The following KIAA1217 variants were observed in gnomAD, a reference collection of about 807,000 sequenced individuals.
KIAA1217 encodes KIAA1217, also known as sickle tail protein homolog.
KIAA1217 carries 88 observed loss-of-function variants against 163.9 expected under a neutral mutation model. That is an observed-to-expected ratio of 0.54 (90% confidence interval 0.45 to 0.64). The LOEUF (loss-of-function observed/expected upper bound fraction) is 0.64, where lower values mean the gene tolerates loss of function less well. KIAA1217 is among the 30% of genes least tolerant of loss of function. The pLI is 0.00. For synonymous variants in KIAA1217, 903 were observed against 923.1 expected (o/e 0.98, Z 0.39); for missense variants, 2,372 against 2,475.0 (o/e 0.96, Z 0.88).
At chr10:23,807,625 A>G (rs1836804310) in intron 1 of KIAA1217, among the ~76,000 whole-genome samples, 1 of 152,244 alleles carries the variant, frequency 6.6e-6, no homozygotes, top group Non-Finnish European at 1.5e-5. Flanking sequence ...GTTTAGAAGG[A>G]TAGGATGAAT....
intron 2 of KIAA1217, among the ~76,000 whole-genome samples, chr10:24,329,167 T>C (rs1190299969): frequency 1.4e-5 from 2 of 147,964 alleles, no homozygotes; most frequent in Middle Eastern, 3.6e-3. Flanking sequence ...TATTTATACA[T>C]AGTACATAAA....
chr10:24,078,749 T>C (rs2061446380), intron 2 of KIAA1217, among the ~76,000 whole-genome samples: 1 of 152,018 alleles, frequency 6.6e-6, no homozygotes, highest in African/African-American at 2.4e-5. Context: ...AATAATAAAA[T>C]AGAGACACAC....
At chr10:24,034,063 T>A (rs1276566890) in intron 2 of KIAA1217, among the ~76,000 whole-genome samples, 1 of 152,264 alleles carries the variant, frequency 6.6e-6, no homozygotes, top group Non-Finnish European at 1.5e-5. Context: ...ATTAAAATTA[T>A]TACCTTTAAT....
chr10:24,082,719 T>C (rs2061578370), intron 2 of KIAA1217, among the ~76,000 whole-genome samples: 1 of 152,252 alleles, frequency 6.6e-6, no homozygotes, highest in African/African-American at 2.4e-5. Context: ...TGTGCATGTA[T>C]CTTTATAATA....
At chr10:24,309,399 A>G (rs1233096572) in intron 2 of KIAA1217, among the ~76,000 whole-genome samples, 6 of 151,864 alleles carry the variant, frequency 4.0e-5, no homozygotes, top group Admixed American at 1.3e-4. Context: ...TGTTCTTACA[A>G]ATGTTGCACA....
intron 2 of KIAA1217, among the ~76,000 whole-genome samples, chr10:24,131,895 C>T (rs1165339177): frequency 1.3e-5 from 2 of 152,072 alleles, no homozygotes; most frequent in African/African-American, 2.4e-5. Flanking sequence ...AGAGTCTAGC[C>T]CTCTGTGTTA....
intron 2 of KIAA1217, among the ~76,000 whole-genome samples, chr10:24,276,797 A>G (rs2077346346): frequency 6.6e-6 from 1 of 151,972 alleles, no homozygotes; most frequent in Non-Finnish European, 1.5e-5. Flanking sequence ...TTTAGTAGAG[A>G]CAGGGTTTCA....
chr10:24,212,773 A>G (rs1390253220), intron 1 of KIAA1217, among the ~76,000 whole-genome samples: 3 of 152,122 alleles, frequency 2.0e-5, no homozygotes, highest in Non-Finnish European at 4.4e-5. Context: ...CCCAATGACA[A>G]TGTGATATTC....
At chr10:24,253,096 A>G (rs879692364) in intron 2 of KIAA1217, among the ~76,000 whole-genome samples, 10 of 152,152 alleles carry the variant, frequency 6.6e-5, no homozygotes, top group Non-Finnish European at 1.5e-4. Flanking sequence ...AGGTGCACAC[A>G]GCAAGTGCTG....
upstream of KIAA1217, among the ~76,000 whole-genome samples, chr10:24,206,015 C>T (rs893959820): frequency 1.3e-5 from 2 of 152,168 alleles, no homozygotes; most frequent in African/African-American, 2.4e-5. Context: ...TCTTTTATCT[C>T]GTCACTTGTC....
rs566081834 is a variant in KIAA1217, at chr10:23,916,042, G to A, written c.-320-91183G>A. Reference sequence around the variant, plus strand: ...TGGGCTTTTAGGTACTTTCTTGGCTGCCAGTTATCAATATTCTATCTGTCA... The same window carrying A: ...TGGGCTTTTAGGTACTTTCTTGGCTACCAGTTATCAATATTCTATCTGTCA... On this transcript the variant is annotated intron_variant, in intron 1 of 18. Transcript: ENST00000376462. Among the ~76,000 whole-genome samples, 63 of 152,270 alleles carry A rather than the reference G, an allele frequency of 4.1e-4. 2 individuals are homozygous for A. In the South Asian group the frequency reaches 7.1e-3, roughly 17 times the overall value.
intron 1 of KIAA1217, among the ~76,000 whole-genome samples, chr10:23,946,291 G>T (rs186648360): frequency 2.2e-5 from 3 of 138,134 alleles, no homozygotes; most frequent in South Asian, 2.2e-4. Flanking sequence ...AAAAGTAAAG[G>T]AGCTATTTGG....
chr10:24,409,038 G>T (rs545755633), intron 3 of KIAA1217, among the ~76,000 whole-genome samples: 3 of 152,168 alleles, frequency 2.0e-5, no homozygotes, highest in Non-Finnish European at 4.4e-5. Context: ...ATGAACTGGC[G>T]TGGATGATAC....
chr10:23,900,839 G>C (rs1841926997), intron 1 of KIAA1217, among the ~76,000 whole-genome samples: 1 of 152,092 alleles, frequency 6.6e-6, no homozygotes, highest in East Asian at 1.9e-4. Flanking sequence ...TCATGGACTA[G>C]GGTAAGCTAT....
intron 8 of KIAA1217, among the ~76,000 whole-genome samples, chr10:24,497,319 G>A (rs1163109055): frequency 6.6e-6 from 1 of 152,146 alleles, no homozygotes; most frequent in African/African-American, 2.4e-5. Context: ...TTTATACTGA[G>A]CATTAGATCA....
At chr10:23,964,482 ATGAAGTCTT>A (rs1360166182) in intron 1 of KIAA1217, among the ~76,000 whole-genome samples, 1 of 151,878 alleles carries the variant, frequency 6.6e-6, no homozygotes. Flanking sequence ...TGTTTTAGTG[ATGAAGTCTT>A]TGCCCATGCC....
At chr10:24,354,870 G>A (rs2014290) in intron 2 of KIAA1217, among the ~76,000 whole-genome samples, 70,459 of 151,998 alleles carry the variant, frequency 0.46, 16,437 homozygotes, top group East Asian at 0.53. Flanking sequence ...AGGAATGCCC[G>A]TTCCCATTTA....
chr10:24,063,053 G>A (rs1325011003), intron 2 of KIAA1217, among the ~76,000 whole-genome samples: 1 of 151,818 alleles, frequency 6.6e-6, no homozygotes, highest in Non-Finnish European at 1.5e-5. Context: ...TTTGTCAGAT[G>A]AGTAGGTTGC....
intron 3 of KIAA1217, among the ~76,000 whole-genome samples, chr10:24,424,890 C>T (rs1222462240): frequency 1.3e-5 from 2 of 152,168 alleles, no homozygotes; most frequent in Non-Finnish European, 2.9e-5. Flanking sequence ...TGTGAGCCAC[C>T]GCGCCCGGCC....
Sources: allele counts gnomAD v4.1 joint callset (sites outside exome capture counted in the v4.1 genomes callset), GRCh38; gene constraint gnomAD v4.1.1; transcripts MANE v1.5; gene names NCBI Gene and HGNC (gene_info 2026-07-23, HGNC 2026-07-21).